Variants in B4GALNT3 observed in about 807,000 individuals in gnomAD.
B4GALNT3 encodes beta-1,4-N-acetyl-galactosaminyltransferase 3, also known as beta-1,4-N-acetylgalactosaminyltransferase 3.
Under a neutral mutation model 120.2 loss-of-function variants are expected in B4GALNT3, and 86 were observed. The ratio of observed to expected loss-of-function variants is 0.72; its 90% CI spans 0.60 to 0.86. The LOEUF is 0.86. Among genes scored for constraint, B4GALNT3 ranks in the 40% least tolerant of loss-of-function variants. B4GALNT3 has a pLI of 0.00. For missense variants in B4GALNT3, 1,167 were observed against 1,298.9 expected (o/e 0.90, Z 1.56); for synonymous variants, 518 against 510.4 (o/e 1.01, Z -0.20).
chr12:522,437 C>T (rs1189506616), intron 1 of B4GALNT3, among the ~76,000 whole-genome samples: 1 of 152,194 alleles, frequency 6.6e-6, no homozygotes, highest in Non-Finnish European at 1.5e-5. Flanking sequence ...GATTCCACTT[C>T]TGTGAGGTCA....
At chr12:492,006 G>C (rs113679609) in intron 1 of B4GALNT3, among the ~76,000 whole-genome samples, 3 of 148,898 alleles carry the variant, frequency 2.0e-5, no homozygotes, top group African/African-American at 7.4e-5. Flanking sequence ...TGCAGTGAGC[G>C]GAGATCATGG....
At position 561,816 on chromosome 12, in the gene B4GALNT3, G is replaced by A. The variant is rs533482387; in HGVS notation, c.*365G>A. ...CCCCCAAGCGCTCCTCACGCCAAGC[G>A]CTGACCACCAGACCCTCTTCTAGTG... On this transcript the variant is annotated 3_prime_UTR_variant, in exon 20 of 20. Coordinates refer to ENST00000266383, the MANE Select transcript of B4GALNT3 (RefSeq NM_173593.4). 1.2e-4 allele frequency: 23 copies of A among 193,570 alleles called. No homozygotes were observed. Among genetic ancestry groups the A allele is most frequent in the Middle Eastern group, 2.0e-3 (1 of 510 alleles). 12.0% of individuals were successfully genotyped at this position (193,570 alleles called of 1,614,324 possible). A position where few individuals can be genotyped will look rare whatever the true frequency, so the allele number is the denominator to read the frequency against.
Position 553,320 on chromosome 12 carries a change from A to G in B4GALNT3, c.1397A>G (p.Asp466Gly), listed in dbSNP as rs760071815. The change falls in exon 14 of 20, where the codon GAT (aspartate) becomes GGT (glycine). Residue 466 changes from aspartate (D) to glycine (G), a missense_variant. Around this residue, in one of 3 missense-constraint regions of B4GALNT3, gnomAD observed 983 missense variants for 1,102.5 expected, o/e 0.89. Coordinates refer to ENST00000266383, the MANE Select transcript of B4GALNT3 (RefSeq NM_173593.4). Reference protein sequence around the residue: ...RQTPASTLEQDATDYRLRSLR... With the variant: ...RQTPASTLEQGATDYRLRSLR... ...ACACCTGCCTCCACCCTGGAGCAAG[A>G]TGCCACTGACTACCGCCTCCGAAGC... 3.7e-6 allele frequency: 6 copies of G among 1,613,682 alleles called. No individual in the cohort carries two copies. Among genetic ancestry groups the G allele is most frequent in the Non-Finnish European group, 3.4e-6 (4 of 1,180,026 alleles).
intron 1 of B4GALNT3, among the ~76,000 whole-genome samples, chr12:463,169 A>G (rs2120403689): frequency 6.6e-6 from 1 of 152,286 alleles, no homozygotes; most frequent in African/African-American, 2.4e-5. Flanking sequence ...AGCCCCCATT[A>G]CCAGGAACCT....
At chr12:475,019 T>A (rs1039177645) in intron 1 of B4GALNT3, among the ~76,000 whole-genome samples, 2 of 126,512 alleles carry the variant, frequency 1.6e-5, no homozygotes, top group African/African-American at 6.1e-5. Context: ...GAGGCTAAGG[T>A]GGGAGGATCA....
chr12:538,360 C>A (rs1258646514), intron 3 of B4GALNT3, among the ~76,000 whole-genome samples: 1 of 151,474 alleles, frequency 6.6e-6, no homozygotes, highest in Non-Finnish European at 1.5e-5. Flanking sequence ...AGTTCCAGAC[C>A]AGCCTGGGCA....
chr12:513,180 T>G (rs1271661675), intron 1 of B4GALNT3, among the ~76,000 whole-genome samples: 1 of 142,950 alleles, frequency 7.0e-6, no homozygotes, highest in East Asian at 2.1e-4. Flanking sequence ...CCTTCCACCT[T>G]CTTCCACCTT....
chr12:507,758 G>T (rs1402258027), intron 1 of B4GALNT3, among the ~76,000 whole-genome samples: 1 of 152,236 alleles, frequency 6.6e-6, no homozygotes, highest in South Asian at 2.1e-4. Context: ...GCCCGTGACT[G>T]TGGCATGCGG....
chr12:557,826 G>T, intron 16 of B4GALNT3, 65 bp downstream of exon 16: 1 of 1,536,338 alleles, frequency 6.5e-7, no homozygotes. Flanking sequence ...TAGGGCTGCT[G>T]GGTCCAGGGT....
At chr12:491,485 A>G (rs113319452) in intron 1 of B4GALNT3, among the ~76,000 whole-genome samples, 1 of 151,864 alleles carries the variant, frequency 6.6e-6, no homozygotes, top group Admixed American at 6.6e-5. Context: ...GTGCACCATC[A>G]TGCCCAGCTA....
At chr12:491,992 A>C (rs1051937566) in intron 1 of B4GALNT3, among the ~76,000 whole-genome samples, 1 of 149,474 alleles carries the variant, frequency 6.7e-6, no homozygotes, top group African/African-American at 2.5e-5. Context: ...CAGGAGGCGG[A>C]GGTTGCAGTG....
At chr12:470,527 T>C (rs571774548) in intron 1 of B4GALNT3, among the ~76,000 whole-genome samples, 1 of 152,302 alleles carries the variant, frequency 6.6e-6, no homozygotes, top group South Asian at 2.1e-4. Context: ...CACAGCGCAA[T>C]ACGTACTCTC....
intron 1 of B4GALNT3, among the ~76,000 whole-genome samples, chr12:504,455 C>A (rs1276116694): frequency 6.6e-6 from 1 of 151,716 alleles, no homozygotes; most frequent in Non-Finnish European, 1.5e-5. Flanking sequence ...AGCCGCCCCC[C>A]CGCCCCCGAA....
chr12:512,337 T>C (rs1946591399), intron 1 of B4GALNT3, among the ~76,000 whole-genome samples: 1 of 134,916 alleles, frequency 7.4e-6, no homozygotes. Flanking sequence ...TCCACCTTCC[T>C]TCCACCTTCC....
Position 553,483 on chromosome 12 carries a change from T to G in B4GALNT3, c.1560T>G (p.Pro520=). Residue 520 remains proline (P), a synonymous_variant, in exon 14 of 20, where the codon CCT becomes CCG. Coordinates refer to ENST00000266383, the MANE Select transcript of B4GALNT3 (RefSeq NM_173593.4). ...AGAAGAGGAAGCAAAAACCCAGCCCTGAGCCCAGCCAAGATTCACCTCATT... is the reference window on the plus strand; with the variant it reads ...AGAAGAGGAAGCAAAAACCCAGCCCGGAGCCCAGCCAAGATTCACCTCATT... ...QPEKRKQKPS[P]EPSQDSPHSD... is the part of the protein sequence containing the mutation. 2 of 1,614,166 alleles carry G rather than the reference T, an allele frequency of 1.2e-6. No individual in the cohort carries two copies. The highest frequency in any genetic ancestry group is 1.7e-6 in the Non-Finnish European group (2 of 1,180,038).
chr12:507,704 C>G (rs985463857), intron 1 of B4GALNT3, among the ~76,000 whole-genome samples: 131 of 152,332 alleles, frequency 8.6e-4, no homozygotes, highest in African/African-American at 2.5e-3. Flanking sequence ...TTCTAGGAGG[C>G]CCTACCAAAG....
intron 15 of B4GALNT3, 150 bp downstream of exon 15, chr12:557,016 G>T: frequency 1.1e-6 from 1 of 869,730 alleles, no homozygotes. Context: ...CAAAAGGAAA[G>T]TCACTGGTTT....
Position 493,331 on chromosome 12 carries a change from G to A in B4GALNT3, c.169+32786G>A, listed in dbSNP as rs1000633146. 2.0e-5 allele frequency among the ~76,000 whole-genome samples: 3 copies of A among 152,304 alleles called. No individual in the cohort carries two copies. The East Asian group carries it at 5.8e-4, about 29-fold the overall frequency. On this transcript the variant is annotated intron_variant, in intron 1 of 19. Coordinates refer to ENST00000266383, the MANE Select transcript of B4GALNT3 (RefSeq NM_173593.4). ...CATGGAAAGCTGTTTAAGATCATAT[G>A]TCATTAGGGAAATGAAAATTAAAAC...
chr12:483,152 C>T (rs972930012), intron 1 of B4GALNT3, among the ~76,000 whole-genome samples: 1 of 152,136 alleles, frequency 6.6e-6, no homozygotes, highest in African/African-American at 2.4e-5. Flanking sequence ...TCAAGCACTC[C>T]TACCACCTCA....
Sources: gnomAD v4.1 joint callset for allele counts (sites outside exome capture counted in the v4.1 genomes callset) on GRCh38, gnomAD v4.1.1 for gene constraint, gnomAD v4.1.1 regional missense constraint, MANE v1.5 for transcripts, NCBI Gene and HGNC (gene_info 2026-07-23, HGNC 2026-07-21) for gene names.